The following ZNF423 variants were observed in gnomAD, a reference collection of about 807,000 sequenced individuals.
The protein encoded by ZNF423 is Ebf-associated zinc finger protein.
A neutral mutation model predicts 95.8 loss-of-function variants in ZNF423; 12 were observed. The observed-to-expected ratio is 0.13, with a 90% CI of 0.08 to 0.20. The LOEUF is 0.20. Ranked by LOEUF, ZNF423 falls within the 10% of genes least tolerant of loss-of-function variation. ZNF423 has a pLI of 1.00. For missense variants in ZNF423, 1,316 were observed against 1,737.1 expected (o/e 0.76, Z 4.31); for synonymous variants, 749 against 711.9 (o/e 1.05, Z -0.83).
chr16:49,691,405 C>T (rs1413916569), intron 3 of ZNF423, among the ~76,000 whole-genome samples: 2 of 152,214 alleles, frequency 1.3e-5, no homozygotes, highest in Admixed American at 6.5e-5. Flanking sequence ...AGTTACTGAA[C>T]ATCTCTGAGC....
intron 3 of ZNF423, among the ~76,000 whole-genome samples, chr16:49,681,588 C>T (rs372282030): frequency 3.3e-5 from 5 of 152,296 alleles, no homozygotes; most frequent in East Asian, 3.9e-4. Context: ...CAGGCCGGAT[C>T]GTTTCACCAC....
intron 7 of ZNF423, 62 bp downstream of exon 7, chr16:49,523,562 C>T (rs980309128): frequency 8.4e-6 from 12 of 1,432,680 alleles, no homozygotes; most frequent in South Asian, 1.2e-5. Flanking sequence ...CTGAGACCGT[C>T]GGTGCTGACG....
chr16:49,723,195 T>C (rs1324011035), intron 3 of ZNF423, among the ~76,000 whole-genome samples: 1 of 152,138 alleles, frequency 6.6e-6, no homozygotes, highest in East Asian at 1.9e-4. Flanking sequence ...GACCTCGTGA[T>C]CCGCCTGCCT....
chr16:49,731,164 C>A (rs967703077), intron 2 of ZNF423, 193 bp from the exon 3 acceptor site: 1 of 488,020 alleles, frequency 2.0e-6, no homozygotes, highest in Non-Finnish European at 2.7e-6. Flanking sequence ...CAACCAGATT[C>A]TTTAATTCTT....
Position 49,523,697 on chromosome 16 carries a change from A to T in ZNF423, c.3776T>A (p.Val1259Glu), listed in dbSNP as rs1472358429. The T allele has an allele frequency of 6.2e-7, 1 of 1,614,150 alleles. No homozygotes were observed. Residue 1259 changes from valine to glutamate, a missense_variant, in exon 7 of 8, where the codon GTG (valine) becomes GAG (glutamate). Val to Glu is a moderately radical substitution (Grantham distance 121). Transcript: ENST00000563137. The part of the protein sequence containing the change: ...ANKLQQHIFA[V>E]HGQEDKIYDC... ...GTAGATCTTGTCCTCCTGCCCGTGC[A>T]CGGCAAAGATGTGCTGCTGCAACTT...
In ZNF423 at chr16:49,635,982, C is replaced by A. The variant is rs34611339; in HGVS notation, c.3194G>T (p.Gly1065Val). The A allele has an allele frequency of 6.2e-7, 1 of 1,600,528 alleles. No homozygotes were observed. Among genetic ancestry groups the A allele is most frequent in the Non-Finnish European group, 8.5e-7 (1 of 1,171,794 alleles). The change falls in exon 4 of 8, where the codon GGC becomes GTC. Residue 1065 changes from glycine (G) to valine (V), a missense_variant. This residue lies in a region of ZNF423 where 620 missense variants were observed against 775.6 expected (regional missense o/e 0.80). Coordinates refer to ENST00000563137, the MANE Select transcript of ZNF423 (RefSeq NM_001379286.1). This position sits in a 1 kb window ranked among gnomAD's most constrained non-coding sequence, Gnocchi z 4.8. The stretch of plus-strand genomic sequence containing the variant: ...CTTGTAGAGCTTCTGCAGCCCCTGG[C>A]CATTGGGGGAGGACGCCGCTGAGCT... The part of the protein sequence containing the change: ...AGSSAASSPN[G>V]QGLQKLYKCA...
At position 49,700,215 on chromosome 16, in the gene ZNF423, A is replaced by ACAAG. The variant is rs202020290; in HGVS notation, c.301+30555_301+30556insCTTG. ...GATTTCAAAAAAAAAAAAAAAAAAA[A>ACAAG]AACAAGAAGAAGAAGAAGAAAAAAA... On this transcript the variant is annotated intron_variant, in intron 3 of 7. Coordinates refer to ENST00000563137, the MANE Select transcript of ZNF423 (RefSeq NM_001379286.1). Among the ~76,000 whole-genome samples the ACAAG allele has an allele frequency of 5.1e-3, 699 of 135,864 alleles. 4 individuals carry two copies. Among genetic ancestry groups the ACAAG allele is most frequent in the African/African-American group, 0.019 (664 of 34,244 alleles). 89.1% of individuals were successfully genotyped at this position (135,864 alleles called of 152,430 possible).
At chr16:49,702,499 G>T (rs2032213972) in intron 3 of ZNF423, among the ~76,000 whole-genome samples, 1 of 152,134 alleles carries the variant, frequency 6.6e-6, no homozygotes, top group Non-Finnish European at 1.5e-5. Flanking sequence ...CGACCTCACT[G>T]ATCACTGCAA....
intron 3 of ZNF423, among the ~76,000 whole-genome samples, chr16:49,657,243 C>A (rs2029924253): frequency 6.6e-6 from 1 of 152,254 alleles, no homozygotes; most frequent in Non-Finnish European, 1.5e-5. Flanking sequence ...AGTCAAATCC[C>A]ATCCAGGACC....
intron 5 of ZNF423, among the ~76,000 whole-genome samples, chr16:49,575,399 C>A (rs1239394938): frequency 1.3e-5 from 2 of 152,164 alleles, no homozygotes; most frequent in Non-Finnish European, 2.9e-5. Context: ...CTTCTCAGAT[C>A]AGCAGTTTCC....
At position 49,855,392 on chromosome 16, in the gene ZNF423, C is replaced by T. The variant is rs937741220; in HGVS notation, c.40+343G>A. ...GGCCAGCACCCCTTGATTGGCCACA[C>T]GGGCCCGGGCCCCGCACGGAGGGAG... On this transcript the variant is annotated intron_variant, in intron 1 of 7. Coordinates refer to ENST00000563137, the MANE Select transcript of ZNF423 (RefSeq NM_001379286.1). This position sits in a 1 kb window ranked among gnomAD's most constrained non-coding sequence, Gnocchi z 4.7. Among the ~76,000 whole-genome samples, 2 of 150,142 alleles carry T rather than the reference C, an allele frequency of 1.3e-5. No homozygotes were observed. Among genetic ancestry groups the T allele is most frequent in the African/African-American group, 4.9e-5 (2 of 40,852 alleles).
chr16:49,707,230 T>C (rs371194284), intron 3 of ZNF423, among the ~76,000 whole-genome samples: 32 of 152,264 alleles, frequency 2.1e-4, no homozygotes, highest in African/African-American at 7.0e-4. Context: ...CTCTCCCCAC[T>C]GTCTGCAGTA....
chr16:49,681,965 C>A (rs1240326477), intron 3 of ZNF423, among the ~76,000 whole-genome samples: 1 of 151,962 alleles, frequency 6.6e-6, no homozygotes, highest in Non-Finnish European at 1.5e-5. Context: ...CTTTCTGTAC[C>A]TAACAAGCTC....
chr16:49,715,364 G>A (rs760757141), intron 3 of ZNF423, among the ~76,000 whole-genome samples: 3 of 152,280 alleles, frequency 2.0e-5, no homozygotes, highest in Admixed American at 6.5e-5. Context: ...AGCTATCCAC[G>A]TGAAAAGCTG....
In ZNF423 at chr16:49,652,514, A is replaced by C. The variant is rs145651725; in HGVS notation, c.302-13640T>G. Among the ~76,000 whole-genome samples the C allele has an allele frequency of 1.9e-3, 289 of 152,254 alleles. 2 individuals are homozygous for C. Among genetic ancestry groups the C allele is most frequent in the African/African-American group, 6.3e-3 (263 of 41,568 alleles). ...GGCACGAGGAGCTCAGGAGCTCCGGAAGGTTCTCCTGCCAGCCTCCTGGCG... is the reference window on the plus strand; with the variant it reads ...GGCACGAGGAGCTCAGGAGCTCCGGCAGGTTCTCCTGCCAGCCTCCTGGCG... On this transcript the variant is annotated intron_variant, in intron 3 of 7. Transcript: ENST00000563137.
At chr16:49,547,321 A>C (rs1353436188) in intron 5 of ZNF423, among the ~76,000 whole-genome samples, 1 of 152,160 alleles carries the variant, frequency 6.6e-6, no homozygotes, top group Admixed American at 6.5e-5. Flanking sequence ...ATTAGCCACA[A>C]GGCTTCACCC....
upstream of ZNF423, among the ~76,000 whole-genome samples, chr16:49,858,417 G>C (rs1488248410): frequency 6.8e-6 from 1 of 147,382 alleles, no homozygotes; most frequent in Non-Finnish European, 1.5e-5. The surrounding 1 kb of genome is among the most constrained non-coding windows in gnomAD (Gnocchi z 4.3). Context: ...TGGGGAGCGC[G>C]AGCTGGAGGA....
chr16:49,749,989 A>G (rs1357321766), intron 2 of ZNF423, among the ~76,000 whole-genome samples: 1 of 152,194 alleles, frequency 6.6e-6, no homozygotes, highest in East Asian at 1.9e-4. Context: ...ATCCGTGCAG[A>G]TGGAAAGGGC....
At chr16:49,688,736 C>G (rs191655143) in intron 3 of ZNF423, among the ~76,000 whole-genome samples, 5 of 152,244 alleles carry the variant, frequency 3.3e-5, no homozygotes, top group Admixed American at 6.5e-5. Context: ...ATGAGAGACT[C>G]AATAAAAAAG....
Sources: gnomAD v4.1 joint callset for allele counts (sites outside exome capture counted in the v4.1 genomes callset) on GRCh38, gnomAD v4.1.1 for gene constraint, gnomAD v4.1.1 regional missense constraint, Gnocchi (gnomAD v3.1) non-coding constraint, MANE v1.5 for transcripts, NCBI Gene and HGNC (gene_info 2026-07-23, HGNC 2026-07-21) for gene names.